PDE11A: variants seen among roughly 807,000 people sequenced by gnomAD.
PDE11A encodes phosphodiesterase 11A.
A neutral mutation model predicts 100.5 loss-of-function variants in PDE11A; 100 were observed. The ratio of observed to expected loss-of-function variants is 1.00; its 90% CI spans 0.85 to 1.18. PDE11A has a LOEUF of 1.18. Among genes scored for constraint, PDE11A ranks in the 50% most tolerant of loss-of-function variants. The probability of loss-of-function intolerance (pLI) is 0.00; values close to 1 mark genes in which losing one functional copy is unlikely to be tolerated. For synonymous variants in PDE11A, 381 were observed against 420.8 expected (o/e 0.91, Z 1.16); for missense variants, 1,141 against 1,152.6 (o/e 0.99, Z 0.15).
chr2:177,905,088 AT>A lies in PDE11A; in HGVS notation c.1161+9del. 6.7e-7 allele frequency: 1 copy of A among 1,482,828 alleles called. No homozygotes were observed. The highest frequency in any genetic ancestry group is 9.4e-7 in the Non-Finnish European group (1 of 1,059,910). 91.9% of individuals were successfully genotyped at this position (1,482,828 alleles called of 1,614,324 possible). On this transcript the variant is annotated intron_variant, in intron 3 of 19. Coordinates refer to ENST00000286063, the MANE Select transcript of PDE11A (RefSeq NM_016953.4). ...TTTGAGGAGTGTCAACAATGTTTTT[AT>A]TTACTCACTCTGCTTCTTTCATATT...
intron 10 of PDE11A, among the ~76,000 whole-genome samples, chr2:177,749,702 G>T (rs1443945669): frequency 6.6e-6 from 1 of 152,002 alleles, no homozygotes; most frequent in East Asian, 1.9e-4. Context: ...CTCAACTAAT[G>T]ATAGTAATAA....
chr2:177,997,680 T>C lies in PDE11A; in HGVS notation c.1071+16622A>G. ...AATCTTTGAGTTTTTCTGCATTCAG[T>C]TTGGCTGTTAAGAAATCTGGAAGTT... On this transcript the variant is annotated intron_variant, in intron 2 of 19. Coordinates refer to ENST00000286063, the MANE Select transcript of PDE11A (RefSeq NM_016953.4). 1.9e-6 allele frequency: 3 copies of C among 1,553,498 alleles called. No homozygotes were observed. In the South Asian group the frequency reaches 3.3e-5, roughly 17 times the overall value.
intron 12 of PDE11A, among the ~76,000 whole-genome samples, chr2:177,721,910 A>G (rs1334363947): frequency 6.6e-6 from 1 of 152,092 alleles, no homozygotes; most frequent in East Asian, 1.9e-4. Flanking sequence ...TGAAAATTTA[A>G]AACTTTTTAT....
chr2:178,107,062 A>T (rs2087627909), intron 1 of PDE11A, among the ~76,000 whole-genome samples: 1 of 151,940 alleles, frequency 6.6e-6, no homozygotes, highest in Non-Finnish European at 1.5e-5. Flanking sequence ...CAAACAAAAA[A>T]CTGTCCTTAC....
At position 178,039,907 on chromosome 2, in the gene PDE11A, A is replaced by G. The variant is rs554966430; in HGVS notation, c.913-25447T>C. Among the ~76,000 whole-genome samples, 6 of 152,264 alleles carry G rather than the reference A, an allele frequency of 3.9e-5. No individual in the cohort carries two copies. In the South Asian group the frequency reaches 1.2e-3, roughly 32 times the overall value. On this transcript the variant is annotated intron_variant, in intron 1 of 19. Transcript: ENST00000286063. ...TCAAAAGCAGGCAAAATTAAATTGC[A>G]TATTGTATAGGAAAACAAAGATAGG...
At chr2:177,672,051 C>T (rs2080691053) in intron 17 of PDE11A, among the ~76,000 whole-genome samples, 1 of 152,090 alleles carries the variant, frequency 6.6e-6, no homozygotes, top group Admixed American at 6.5e-5. Context: ...CAGGAGCCTC[C>T]CCCAGTACTA....
chr2:177,873,709 T>C (rs1012256614), intron 5 of PDE11A, among the ~76,000 whole-genome samples: 1 of 152,218 alleles, frequency 6.6e-6, no homozygotes, highest in African/African-American at 2.4e-5. Context: ...TGAACTGATT[T>C]ACTTTCTCTT....
chr2:177,909,550 A>G (rs1003921152), intron 2 of PDE11A, among the ~76,000 whole-genome samples: 4 of 152,192 alleles, frequency 2.6e-5, no homozygotes, highest in Non-Finnish European at 5.9e-5. Context: ...CAATATTTTC[A>G]CAAAAATACA....
At chr2:177,982,129 G>T (rs1229177572) in intron 2 of PDE11A, among the ~76,000 whole-genome samples, 1 of 150,880 alleles carries the variant, frequency 6.6e-6, no homozygotes, top group Non-Finnish European at 1.5e-5. Flanking sequence ...CTCTTTAATG[G>T]AACTTCAATG....
intron 2 of PDE11A, among the ~76,000 whole-genome samples, chr2:177,963,139 G>A (rs1195548530): frequency 6.6e-6 from 1 of 152,270 alleles, no homozygotes; most frequent in African/African-American, 2.4e-5. Flanking sequence ...ATTTCAAACA[G>A]AGAAAAATAA....
chr2:177,887,214 C>T (rs16865901), intron 4 of PDE11A, among the ~76,000 whole-genome samples: 43,909 of 152,002 alleles, frequency 0.29, 6,506 homozygotes, highest in Middle Eastern at 0.37. Context: ...AACACTCTCC[C>T]ATCCAAATCA....
chr2:177,873,341 G>A (rs904392113), intron 5 of PDE11A, among the ~76,000 whole-genome samples: 4 of 152,020 alleles, frequency 2.6e-5, no homozygotes, highest in African/African-American at 7.2e-5. Flanking sequence ...TTTTTCTATC[G>A]TATTTCATGT....
At chr2:177,908,279 T>C (rs1445491318) in intron 2 of PDE11A, among the ~76,000 whole-genome samples, 5 of 152,190 alleles carry the variant, frequency 3.3e-5, no homozygotes, top group African/African-American at 9.6e-5. Flanking sequence ...GCAGTTCTGG[T>C]AGAGCAGGCA....
chr2:177,635,457 T>A (rs576642852), intron 19 of PDE11A, among the ~76,000 whole-genome samples: 1 of 152,324 alleles, frequency 6.6e-6, no homozygotes, highest in East Asian at 1.9e-4. Context: ...AGCCTGGGCA[T>A]CTGGTCATCT....
intron 1 of PDE11A, among the ~76,000 whole-genome samples, chr2:178,030,125 T>A (rs2086526144): frequency 6.6e-6 from 1 of 151,500 alleles, no homozygotes; most frequent in South Asian, 2.1e-4. Flanking sequence ...AAAAAAAGAA[T>A]AACATATGAA....
At chr2:177,757,538 C>T (rs1429810295) in intron 10 of PDE11A, among the ~76,000 whole-genome samples, 1 of 152,134 alleles carries the variant, frequency 6.6e-6, no homozygotes, top group African/African-American at 2.4e-5. Flanking sequence ...ACAGAAAGCC[C>T]AGGAAATGTA....
At chr2:177,818,017 T>A (rs1405225618) in intron 7 of PDE11A, 92 bp from the exon 8 acceptor site, 1 of 734,402 alleles carries the variant, frequency 1.4e-6, no homozygotes, top group African/African-American at 1.7e-5. Context: ...ATGCCTTTTT[T>A]AAGGAACTGC....
chr2:177,915,576 G>A (rs1223771455), intron 2 of PDE11A, among the ~76,000 whole-genome samples: 2 of 152,124 alleles, frequency 1.3e-5, no homozygotes, highest in Admixed American at 6.5e-5. Context: ...ATATACCCAT[G>A]TTTGTTTATC....
At chr2:177,936,415 A>G (rs2085272500) in intron 2 of PDE11A, among the ~76,000 whole-genome samples, 1 of 152,136 alleles carries the variant, frequency 6.6e-6, no homozygotes. Context: ...CATTGTTTGG[A>G]ACCAAGGCCA....
Sources: gnomAD v4.1 joint callset for allele counts (sites outside exome capture counted in the v4.1 genomes callset) on GRCh38, gnomAD v4.1.1 for gene constraint, MANE v1.5 for transcripts, NCBI Gene and HGNC (gene_info 2026-07-23, HGNC 2026-07-21) for gene names.